Variants in MROH2A observed in about 807,000 individuals in gnomAD.
MROH2A encodes the protein maestro heat like repeat family member 2A, also known as maestro heat-like repeat-containing protein family member 2A.
A neutral mutation model predicts 200.4 loss-of-function variants in MROH2A; 174 were observed. The observed-to-expected ratio is 0.87, with a 90% CI of 0.77 to 0.98. MROH2A has a LOEUF of 0.98. Among genes scored for constraint, MROH2A ranks in the 50% least tolerant of loss-of-function variants. MROH2A has a pLI of 0.00. For missense variants in MROH2A, 2,045 were observed against 2,139.6 expected, an observed-to-expected ratio of 0.96 and a Z score of 0.87; for synonymous variants, 829 against 840.4, an observed-to-expected ratio of 0.99 and a Z score of 0.23.
chr2:233,786,281 C>T (rs896699611), intron 3 of MROH2A, among the ~76,000 whole-genome samples: 15 of 152,198 alleles, frequency 9.9e-5, no homozygotes, highest in African/African-American at 2.4e-4. Context: ...ATTAGCAATG[C>T]GAGAACAGAC....
chr2:233,799,262 C>T (rs1167615138), intron 12 of MROH2A, among the ~76,000 whole-genome samples: 2 of 152,154 alleles, frequency 1.3e-5, no homozygotes, highest in Non-Finnish European at 2.9e-5. Flanking sequence ...TGGAGTGGAG[C>T]TTGGTTCTGG....
chr2:233,792,991 G>A, intron 6 of MROH2A, 97 bp downstream of exon 6: 2 of 1,211,634 alleles, frequency 1.7e-6, no homozygotes, highest in Admixed American at 4.2e-5. Flanking sequence ...TGAAAAAGAG[G>A]TGCACTGTTC....
chr2:233,784,519 CA>C (rs1398227821), intron 3 of MROH2A, among the ~76,000 whole-genome samples: 7 of 152,084 alleles, frequency 4.6e-5, no homozygotes, highest in South Asian at 4.1e-4. Context: ...AATGTGACCT[CA>C]GAGTTGGAGG....
At position 233,820,124 on chromosome 2, in the gene MROH2A, A is replaced by T; in HGVS notation, c.3512+68A>T. The T allele has an allele frequency of 3.6e-6, 5 of 1,378,400 alleles. No individual in the cohort carries two copies. The highest frequency in any genetic ancestry group is 4.8e-6 in the Non-Finnish European group (5 of 1,038,264). The allele number at this position is 1,378,400 out of a possible 1,614,324, so 85.4% of individuals were successfully genotyped here. A position where few individuals can be genotyped will look rare whatever the true frequency, so the allele number is the denominator to read the frequency against. On this transcript the variant is annotated intron_variant, in intron 31 of 41. Coordinates refer to ENST00000389758, the MANE Select transcript of MROH2A (RefSeq NM_001394639.1). The surrounding 1 kb of genome is among the most constrained non-coding windows in gnomAD (Gnocchi z 4.1). Reference sequence around the variant, plus strand: ...TGACCATGCCCAACTCACCACCCCGATGTGTCCCAGAAGCCTGGAGCCTTG... The same window carrying T: ...TGACCATGCCCAACTCACCACCCCGTTGTGTCCCAGAAGCCTGGAGCCTTG...
At position 233,822,421 on chromosome 2, in the gene MROH2A, A is replaced by G. The variant is rs1455567076; in HGVS notation, c.3731A>G (p.Asp1244Gly). Reference protein sequence around the residue: ...QKLDENDKLPDFLPDLIYTLL... With the variant: ...QKLDENDKLPGFLPDLIYTLL... Reference sequence around the variant, plus strand: ...CTGGATGAGAATGACAAGCTCCCGGACTTCCTCCCTGACCTCATCTACACC... The same window carrying G: ...CTGGATGAGAATGACAAGCTCCCGGGCTTCCTCCCTGACCTCATCTACACC... The change falls in exon 33 of 42, where the codon GAC becomes GGC. Residue 1244 changes from aspartate (D) to glycine (G), a missense_variant. Physicochemically the swap from Asp to Gly is moderately conservative, Grantham distance 94. This residue lies in a region of MROH2A where 1,201 missense variants were observed against 1,311.3 expected (regional missense o/e 0.92). Transcript: ENST00000389758. The G allele has an allele frequency of 3.2e-6, 5 of 1,550,702 alleles. No homozygotes were observed. Among genetic ancestry groups the G allele is most frequent in the Admixed American group, 3.9e-5 (2 of 50,962 alleles).
Position 233,807,730 on chromosome 2 carries a change from C to A in MROH2A, c.2173-3C>A. 1 of 1,550,674 alleles carries A rather than the reference C, an allele frequency of 6.4e-7. No individual in the cohort carries two copies. The highest frequency in any genetic ancestry group is 1.2e-5 in the South Asian group (1 of 84,064). On this transcript the variant is annotated splice_polypyrimidine_tract_variant and splice_region_variant and intron_variant, in intron 20 of 41. Coordinates refer to ENST00000389758, the MANE Select transcript of MROH2A (RefSeq NM_001394639.1). This position sits in a 1 kb window ranked among gnomAD's most constrained non-coding sequence, Gnocchi z 4.3. ...CACCCTGGCTGGCTGGGTCTCCCTG[C>A]AGGGTGTGATTATGTGCTTTGGCCT...
At chr2:233,792,374 G>A (rs1253774546) in intron 5 of MROH2A, among the ~76,000 whole-genome samples, 5 of 150,112 alleles carry the variant, frequency 3.3e-5, no homozygotes, top group South Asian at 2.1e-4. Context: ...GTGCAGTGGC[G>A]CGATCTCGGC....
chr2:233,793,510 G>A (rs534199457), intron 6 of MROH2A, among the ~76,000 whole-genome samples, 163 bp from the exon 7 acceptor site: 2 of 152,238 alleles, frequency 1.3e-5, no homozygotes, highest in Non-Finnish European at 2.9e-5. Flanking sequence ...ACACAGGCAC[G>A]CAGAGTAAAA....
At chr2:233,831,658 CCATGT>C (rs1704764825) in intron 39 of MROH2A, 118 bp downstream of exon 39, 6 of 1,131,962 alleles carry the variant, frequency 5.3e-6, no homozygotes, top group Non-Finnish European at 7.4e-6. Flanking sequence ...TCCACACATG[CCATGT>C]CGAGACCGGC....
chr2:233,822,328 G>A, intron 32 of MROH2A, 35 bp from the exon 33 acceptor site: 6 of 1,548,440 alleles, frequency 3.9e-6, no homozygotes, highest in Non-Finnish European at 5.2e-6. Context: ...GGGTCTCTGG[G>A]TAGGAGCCCG....
At chr2:233,802,351 C>T in intron 15 of MROH2A, 36 bp downstream of exon 15, 1 of 1,528,644 alleles carries the variant, frequency 6.5e-7, no homozygotes, top group Non-Finnish European at 8.8e-7. Flanking sequence ...TTGGATTGGG[C>T]AGGTGGGCTG....
At position 233,832,632 on chromosome 2, in the gene MROH2A, G is replaced by A; in HGVS notation, c.4891G>A (p.Ala1631Thr). ...TTATCTGAAAAAGCTGGACTTCCCA[G>A]CATTACGGAATTGTGAGTAGTGGAG... Reference protein sequence around the residue: ...THYLKKLDFPALRNSLQELQL... With the variant: ...THYLKKLDFPTLRNSLQELQL... The change falls in exon 41 of 42, where the codon GCA (alanine) becomes ACA (threonine). Residue 1631 changes from alanine to threonine, a missense_variant. Around this residue, in one of 3 missense-constraint regions of MROH2A, gnomAD observed 1,201 missense variants for 1,311.3 expected, o/e 0.92. Coordinates refer to ENST00000389758, the MANE Select transcript of MROH2A (RefSeq NM_001394639.1). 2 of 1,549,166 alleles carry A rather than the reference G, an allele frequency of 1.3e-6. No individual in the cohort carries two copies. The highest frequency in any genetic ancestry group is 1.7e-6 in the Non-Finnish European group (2 of 1,145,734).
In MROH2A at chr2:233,807,587, A is replaced by G; in HGVS notation, c.2172+45A>G. ...CCTCCTGTCCACCAGATGCCTCTGG[A>G]CCCTCGGGGACATGTGTGTTCATGT... is the stretch of plus-strand genomic sequence containing the variant. On this transcript the variant is annotated intron_variant, in intron 20 of 41. Coordinates refer to ENST00000389758, the MANE Select transcript of MROH2A (RefSeq NM_001394639.1). The surrounding 1 kb of genome is among the most constrained non-coding windows in gnomAD (Gnocchi z 4.3). The G allele has an allele frequency of 6.5e-7, 1 of 1,547,634 alleles. No homozygotes were observed. The highest frequency in any genetic ancestry group is 1.2e-5 in the South Asian group (1 of 83,880).
At chr2:233,791,981 G>A (rs1040967026) in intron 5 of MROH2A, among the ~76,000 whole-genome samples, 3 of 152,022 alleles carry the variant, frequency 2.0e-5, no homozygotes, top group African/African-American at 7.3e-5. Context: ...TTGCAGGGTG[G>A]CCTGTTACGG....
In MROH2A at chr2:233,809,228, G is replaced by A. The variant is rs1336410309; in HGVS notation, c.2398G>A (p.Asp800Asn). 6.4e-7 allele frequency: 1 copy of A among 1,550,438 alleles called. No homozygotes were observed. Among genetic ancestry groups the A allele is most frequent in the East Asian group, 2.4e-5 (1 of 40,930 alleles). The part of the protein sequence containing the change: ...CHPQLLLNLV[D>N]SPITAKIIHH... ...CCCCCAGTTGCTCCTCAACCTCGTG[G>A]ACAGCCCCATCACCGCTAAGATCAT... Residue 800 changes from aspartate (D) to asparagine (N), a missense_variant, in exon 22 of 42, where the codon GAC becomes AAC. Asp to Asn is a conservative substitution (Grantham distance 23). This residue lies in a region of MROH2A where 1,201 missense variants were observed against 1,311.3 expected (regional missense o/e 0.92). Coordinates refer to ENST00000389758, the MANE Select transcript of MROH2A (RefSeq NM_001394639.1).
intron 3 of MROH2A, among the ~76,000 whole-genome samples, chr2:233,788,795 C>T (rs1464327990): frequency 1.3e-5 from 2 of 151,890 alleles, no homozygotes; most frequent in Non-Finnish European, 2.9e-5. Context: ...AAAAATTAGC[C>T]GGGCGTGGTG....
chr2:233,796,821 A>G (rs1313444362), intron 11 of MROH2A, among the ~76,000 whole-genome samples: 1 of 152,254 alleles, frequency 6.6e-6, no homozygotes, highest in East Asian at 1.9e-4. Context: ...TTAGAAGAGC[A>G]TGGGCAGCTC....
Position 233,822,908 on chromosome 2 carries a change from G to A in MROH2A, c.3894G>A (p.Leu1298=). The A allele has an allele frequency of 6.4e-7, 1 of 1,550,630 alleles. No individual in the cohort carries two copies. Among genetic ancestry groups the A allele is most frequent in the African/African-American group, 1.4e-5 (1 of 73,186 alleles). ...QRVTIKSMQL[L]FKRVKSQHLA... is the part of the protein sequence containing the mutation. ...TCACTATCAAGTCCATGCAGCTCTT[G>A]TTCAAGAGAGTCAAGAGCCAGCACC... The change falls in exon 34 of 42, where the codon TTG becomes TTA. Residue 1298 remains leucine, a synonymous_variant. Transcript: ENST00000389758.
At chr2:233,782,102 A>G (rs1007450893) in intron 3 of MROH2A, among the ~76,000 whole-genome samples, 1 of 152,166 alleles carries the variant, frequency 6.6e-6, no homozygotes, top group African/African-American at 2.4e-5. Flanking sequence ...TTATGCCAGT[A>G]CCATGCTATT....
Sources: gnomAD v4.1 joint callset for allele counts (sites outside exome capture counted in the v4.1 genomes callset) on GRCh38, gnomAD v4.1.1 for gene constraint, gnomAD v4.1.1 regional missense constraint, Gnocchi (gnomAD v3.1) non-coding constraint, MANE v1.5 for transcripts, NCBI Gene and HGNC (gene_info 2026-07-23, HGNC 2026-07-21) for gene names.